The following EHBP1 variants were observed in gnomAD, a reference collection of about 807,000 sequenced individuals.
EHBP1 encodes EH domain-binding protein 1.
EHBP1 carries 55 observed loss-of-function variants against 144.0 expected under a neutral mutation model. That is an observed-to-expected ratio of 0.38 (90% CI 0.31 to 0.48). EHBP1 has a LOEUF of 0.48. Among genes scored for constraint, EHBP1 ranks in the 20% least tolerant of loss-of-function variants. The pLI is 0.98. For missense variants in EHBP1, 1,200 were observed against 1,364.2 expected, an observed-to-expected ratio of 0.88 and a Z score of 1.90; for synonymous variants, 469 against 472.7, an observed-to-expected ratio of 0.99 and a Z score of 0.10.
intron 5 of EHBP1, among the ~76,000 whole-genome samples, chr2:62,807,271 G>C (rs1318472863): frequency 6.6e-6 from 1 of 152,186 alleles, no homozygotes; most frequent in African/African-American, 2.4e-5. Flanking sequence ...AAAATGGCTG[G>C]GCGTGGTGGC....
intron 5 of EHBP1, among the ~76,000 whole-genome samples, chr2:62,809,232 A>G (rs922550487): frequency 6.9e-6 from 1 of 145,344 alleles, no homozygotes; most frequent in Non-Finnish European, 1.5e-5. Context: ...CAGAGGTTGC[A>G]GTGAGCCAAG....
intron 13 of EHBP1, among the ~76,000 whole-genome samples, chr2:62,953,257 T>A (rs1301933984): frequency 6.7e-6 from 1 of 149,114 alleles, no homozygotes; most frequent in Non-Finnish European, 1.5e-5. Flanking sequence ...AATAAAAATT[T>A]ACTTCTAAAG....
chr2:62,918,913 G>T (rs908367688), intron 10 of EHBP1, among the ~76,000 whole-genome samples: 1 of 151,968 alleles, frequency 6.6e-6, no homozygotes, highest in Non-Finnish European at 1.5e-5. Context: ...TCTGCCAGAT[G>T]TAACTATTTT....
intron 1 of EHBP1, among the ~76,000 whole-genome samples, chr2:62,678,737 A>G (rs1212342732): frequency 6.6e-6 from 1 of 152,158 alleles, no homozygotes; most frequent in Non-Finnish European, 1.5e-5. Flanking sequence ...AAAAGTTAAA[A>G]CAGAAATAAA....
intron 10 of EHBP1, among the ~76,000 whole-genome samples, chr2:62,891,048 C>T (rs1230763186): frequency 7.3e-5 from 11 of 151,466 alleles, no homozygotes; most frequent in African/African-American, 2.4e-4. Context: ...CATGGAGGCA[C>T]GCACCTGTAA....
chr2:62,774,857 A>G (rs2041946592), intron 5 of EHBP1, among the ~76,000 whole-genome samples: 1 of 152,136 alleles, frequency 6.6e-6, no homozygotes, highest in Admixed American at 6.5e-5. Flanking sequence ...ACAAAACAAA[A>G]CAAAAAAAAC....
chr2:63,025,044 T>G (rs548073556), intron 19 of EHBP1, among the ~76,000 whole-genome samples: 1 of 152,228 alleles, frequency 6.6e-6, no homozygotes, highest in South Asian at 2.1e-4. Context: ...TACTAAACAT[T>G]CATAAAGCCA....
rs113103589 is a variant in EHBP1 at position 62,757,911 on chromosome 2, T to C, written c.163-6355T>C. 1.5e-3 allele frequency among the ~76,000 whole-genome samples: 233 copies of C among 151,764 alleles called. 1 individual carries two copies. Among genetic ancestry groups the C allele is most frequent in the African/African-American group, 4.8e-3 (199 of 41,402 alleles). On this transcript the variant is annotated intron_variant, in intron 3 of 22. Coordinates refer to ENST00000431489, the MANE Select transcript of EHBP1 (RefSeq NM_001142616.3). ...TCTGTAGTCCCTGCTACTCGGGAGG[T>C]TGAGGCAGGAGAATGGCGTGAACCC...
chr2:62,675,348 G>A (rs2033246364), intron 1 of EHBP1, among the ~76,000 whole-genome samples: 1 of 152,122 alleles, frequency 6.6e-6, no homozygotes, highest in Non-Finnish European at 1.5e-5. Context: ...TCTACAGAAT[G>A]CATTTTACTA....
At chr2:62,802,843 A>G (rs1203308730) in intron 5 of EHBP1, among the ~76,000 whole-genome samples, 2 of 149,282 alleles carry the variant, frequency 1.3e-5, no homozygotes, top group Non-Finnish European at 3.0e-5. Context: ...TCCTGCCTCA[A>G]CCTCCCCAAT....
intron 7 of EHBP1, among the ~76,000 whole-genome samples, chr2:62,858,733 T>A (rs562078205): frequency 6.6e-6 from 1 of 152,342 alleles, no homozygotes; most frequent in South Asian, 2.1e-4. Flanking sequence ...TTTTAAAACA[T>A]TTTCTAAGAT....
At chr2:62,693,140 A>T (rs1362674224) in intron 1 of EHBP1, among the ~76,000 whole-genome samples, 1 of 152,002 alleles carries the variant, frequency 6.6e-6, no homozygotes, top group Non-Finnish European at 1.5e-5. Context: ...GGTTTATTTC[A>T]CTTAACATAA....
intron 10 of EHBP1, among the ~76,000 whole-genome samples, chr2:62,902,128 G>A (rs1186855329): frequency 1.3e-5 from 2 of 152,040 alleles, no homozygotes; most frequent in African/African-American, 2.4e-5. Context: ...TTAGTTACAC[G>A]TTCTACAAGA....
chr2:62,862,933 C>T (rs910256657), intron 8 of EHBP1, among the ~76,000 whole-genome samples: 15 of 151,872 alleles, frequency 9.9e-5, no homozygotes, highest in African/African-American at 3.6e-4. Context: ...AAGCCTCGTG[C>T]TAAGTACTAC....
chr2:63,042,307 TATATGTATAC>T (rs1204340422), intron 21 of EHBP1, among the ~76,000 whole-genome samples: 1 of 152,176 alleles, frequency 6.6e-6, no homozygotes, highest in Non-Finnish European at 1.5e-5. Context: ...AATATATATG[TATATGTATAC>T]ATATGTATGA....
At chr2:63,024,120 C>T (rs761701293) in intron 19 of EHBP1, among the ~76,000 whole-genome samples, 50 of 151,884 alleles carry the variant, frequency 3.3e-4, no homozygotes, top group Non-Finnish European at 3.7e-4. Context: ...CCAAGGTGGG[C>T]GGATCATGAG....
intron 6 of EHBP1, among the ~76,000 whole-genome samples, chr2:62,830,748 A>G (rs886146938): frequency 1.3e-5 from 2 of 152,114 alleles, no homozygotes; most frequent in Admixed American, 1.3e-4. Context: ...TTCCAGTGTT[A>G]TCTTCTAGAA....
At chr2:62,680,890 C>T (rs1037580774) in intron 1 of EHBP1, among the ~76,000 whole-genome samples, 2 of 152,300 alleles carry the variant, frequency 1.3e-5, no homozygotes, top group Admixed American at 1.3e-4. Flanking sequence ...AAGAAAATAA[C>T]ATGTTGCCCT....
chr2:62,795,021 G>A (rs953162660), intron 5 of EHBP1, among the ~76,000 whole-genome samples: 14 of 151,228 alleles, frequency 9.3e-5, no homozygotes, highest in East Asian at 5.8e-4. Context: ...TTAATCATTC[G>A]TAACTAATGT....
Sources: gnomAD v4.1 joint callset for allele counts (sites outside exome capture counted in the v4.1 genomes callset) on GRCh38, gnomAD v4.1.1 for gene constraint, MANE v1.5 for transcripts, NCBI Gene and HGNC (gene_info 2026-07-23, HGNC 2026-07-21) for gene names.